The following IGSF10 variants were observed in gnomAD, a reference collection of about 807,000 sequenced individuals.
IGSF10 encodes the protein calvaria mechanical force protein 608.
Under a neutral mutation model 128.2 loss-of-function variants are expected in IGSF10, and 126 were observed. That is an observed-to-expected ratio of 0.98 (90% CI 0.85 to 1.14). IGSF10 has a LOEUF of 1.14. IGSF10 is among the 50% of genes most tolerant of loss of function. The pLI is 0.00. For synonymous variants in IGSF10, 1,185 were observed against 1,146.2 expected, an observed-to-expected ratio of 1.03 and a Z score of -0.68; for missense variants, 3,295 against 3,149.8, an observed-to-expected ratio of 1.05 and a Z score of -1.10.
chr3:151,517,305 C>G, the IGSF10 span, among the ~76,000 whole-genome samples: 1 of 151,996 alleles, frequency 6.6e-6, no homozygotes, highest in African/African-American at 2.4e-5. Context: ...AGGGGATTAA[C>G]AAAGAGACTG....
At chr3:151,440,774 G>A in intron 7 of IGSF10, 2 of 368,994 alleles carry the variant, frequency 5.4e-6, no homozygotes, top group South Asian at 4.1e-5. Context: ...TGGGCATCAG[G>A]ATTCTTAGAA....
chr3:151,465,541 TTTC>T (rs773574618), upstream of IGSF10, among the ~76,000 whole-genome samples: 5 of 152,228 alleles, frequency 3.3e-5, no homozygotes, highest in African/African-American at 7.2e-5. Flanking sequence ...ACTCTTCTAG[TTTC>T]TTCTTCTTTT....
chr3:151,599,489 TG>T, the IGSF10 span, among the ~76,000 whole-genome samples: 2 of 151,938 alleles, frequency 1.3e-5, no homozygotes, highest in African/African-American at 4.8e-5. Flanking sequence ...GGCAAGAAGG[TG>T]GGGAGGATAC....
Position 151,438,438 on chromosome 3 carries a change from G to A in IGSF10, c.6123C>T (p.Asp2041=), listed in dbSNP as rs752703973. ...VSLRLKPAKI[D]HKQYFRKQVL... is the part of the protein sequence containing the mutation. ...CTTGCTTTCTAAAATACTGCTTGTG[G>A]TCAATTTTGGCAGGTTTCAGTCTTA... Residue 2041 remains aspartate, a synonymous_variant, in exon 8 of 8, where the codon GAC becomes GAT. Coordinates refer to ENST00000282466, the MANE Select transcript of IGSF10 (RefSeq NM_178822.5). The A allele has an allele frequency of 6.2e-7, 1 of 1,614,040 alleles. No homozygotes were observed. The highest frequency in any genetic ancestry group is 8.5e-7 in the Non-Finnish European group (1 of 1,180,000).
At position 151,437,725 on chromosome 3, in the gene IGSF10, A is replaced by C. The variant is rs1720478619; in HGVS notation, c.6836T>G (p.Ile2279Ser). Residue 2279 changes from isoleucine (I) to serine (S), a missense_variant, in exon 8 of 8, where the codon ATT (isoleucine) becomes AGT (serine). Ile to Ser is a moderately radical substitution (Grantham distance 142). Transcript: ENST00000282466. ...PEVMWIMPDN[I>S]FLTAPYYGSR... Reference sequence around the variant, plus strand: ...TCCATAGTATGGGGCTGTGAGGAAAATATTGTCTGGCATGATCCACATGAC... The same window carrying C: ...TCCATAGTATGGGGCTGTGAGGAAACTATTGTCTGGCATGATCCACATGAC... 1.2e-6 allele frequency: 2 copies of C among 1,614,072 alleles called. No individual in the cohort carries two copies. The highest frequency in any genetic ancestry group is 1.7e-6 in the Non-Finnish European group (2 of 1,180,022).
chr3:151,518,457 T>A, the IGSF10 span, among the ~76,000 whole-genome samples: 1 of 152,036 alleles, frequency 6.6e-6, no homozygotes, highest in South Asian at 2.1e-4. Context: ...GTTTTTCTTT[T>A]AACAGTAAAA....
chr3:151,529,208 A>AG, the IGSF10 span, among the ~76,000 whole-genome samples: 9 of 152,174 alleles, frequency 5.9e-5, no homozygotes, highest in African/African-American at 2.2e-4. Flanking sequence ...ACCCCCATTC[A>AG]GGGACTTGTA....
chr3:151,541,935 C>T, the IGSF10 span, among the ~76,000 whole-genome samples: 1 of 152,142 alleles, frequency 6.6e-6, no homozygotes, highest in African/African-American at 2.4e-5. Flanking sequence ...GTAGCATGAC[C>T]AATGTTCTTA....
the IGSF10 span, among the ~76,000 whole-genome samples, chr3:151,472,476 A>G: frequency 1.3e-5 from 2 of 152,172 alleles, no homozygotes; most frequent in Non-Finnish European, 2.9e-5. Flanking sequence ...CGGCATTACC[A>G]TTGTCCCTAC....
chr3:151,450,934 C>T (rs1721483885), intron 5 of IGSF10, among the ~76,000 whole-genome samples: 1 of 146,976 alleles, frequency 6.8e-6, no homozygotes, highest in African/African-American at 2.5e-5. Context: ...GCCTCCCCAT[C>T]ACCCACTTGC....
chr3:151,445,825 C>A lies in IGSF10; in HGVS notation c.4156G>T (p.Val1386Phe), dbSNP rs1321621349. 1 of 1,614,192 alleles carries A rather than the reference C, an allele frequency of 6.2e-7. No homozygotes were observed. The highest frequency in any genetic ancestry group is 8.5e-7 in the Non-Finnish European group (1 of 1,180,044). ...GTGAATGCAGAGACACTGGGCTTGACTGAAGTTTCGGCTGTGGTTAGAACA... is the reference window on the plus strand; with the variant it reads ...GTGAATGCAGAGACACTGGGCTTGAATGAAGTTTCGGCTGTGGTTAGAACA... ...PPVLTTAETS[V>F]KPSVSAFTHS... Residue 1386 changes from valine to phenylalanine, a missense_variant, in exon 6 of 8, where the codon GTC (valine) becomes TTC (phenylalanine). Val to Phe is a conservative substitution (Grantham distance 50). Transcript: ENST00000282466.
At chr3:151,607,536 T>C in the IGSF10 span, among the ~76,000 whole-genome samples, 1 of 152,110 alleles carries the variant, frequency 6.6e-6, no homozygotes, top group Non-Finnish European at 1.5e-5. Flanking sequence ...TTAGGTAAAA[T>C]TGGGAATCAC....
upstream of IGSF10, chr3:151,461,300 C>T (rs1034284652): frequency 4.1e-6 from 4 of 985,222 alleles, no homozygotes; most frequent in Admixed American, 1.2e-4. Flanking sequence ...TCCTCCTTGA[C>T]CTCTTCCACC....
At chr3:151,488,647 C>T in the IGSF10 span, among the ~76,000 whole-genome samples, 2 of 151,948 alleles carry the variant, frequency 1.3e-5, no homozygotes, top group African/African-American at 4.8e-5. Context: ...TGGAACAGAA[C>T]AGAGCCCTCA....
chr3:151,467,779 G>A, the IGSF10 span, among the ~76,000 whole-genome samples: 1 of 151,906 alleles, frequency 6.6e-6, no homozygotes, highest in South Asian at 2.1e-4. Flanking sequence ...AGCTACTCGG[G>A]AGGCTGAGGC....
Position 151,454,373 on chromosome 3 carries a change from G to T in IGSF10, c.325-599C>A, listed in dbSNP as rs569474280. ...AATGATATTGTGGTTATTTTAAAAA[G>T]ATTTCTTAATTTTGAGATATATAGA... On this transcript the variant is annotated intron_variant, in intron 4 of 7. Transcript: ENST00000282466. 3.3e-5 allele frequency among the ~76,000 whole-genome samples: 5 copies of T among 152,210 alleles called. No homozygotes were observed. The South Asian group carries it at 6.2e-4, about 19-fold the overall frequency.
At chr3:151,514,165 T>G in the IGSF10 span, among the ~76,000 whole-genome samples, 1 of 152,088 alleles carries the variant, frequency 6.6e-6, no homozygotes, top group African/African-American at 2.4e-5. Flanking sequence ...CATTGCCAAG[T>G]CAATCCTAAG....
the IGSF10 span, among the ~76,000 whole-genome samples, chr3:151,580,994 G>C: frequency 6.6e-6 from 1 of 151,810 alleles, no homozygotes; most frequent in African/African-American, 2.4e-5. Context: ...GAAGAAAAGA[G>C]CGGGGGAGGG....
chr3:151,592,221 TACAC>T, the IGSF10 span, among the ~76,000 whole-genome samples: 6,778 of 150,372 alleles, frequency 0.045, 168 homozygotes, highest in African/African-American at 0.08. Flanking sequence ...TTGAGATTAA[TACAC>T]ACACACACAC....
Sources: gnomAD v4.1 joint callset for allele counts (sites outside exome capture counted in the v4.1 genomes callset) on GRCh38, gnomAD v4.1.1 for gene constraint, MANE v1.5 for transcripts, NCBI Gene and HGNC (gene_info 2026-07-23, HGNC 2026-07-21) for gene names.